PUM1: variants seen among roughly 807,000 people sequenced by gnomAD.
The protein encoded by PUM1 is pumilio RNA binding family member 1, also known as pumilio homolog 1.
Under a neutral mutation model 131.8 loss-of-function variants are expected in PUM1, and 13 were observed. The ratio of observed to expected loss-of-function variants is 0.10; its 90% CI spans 0.06 to 0.16. PUM1 has a LOEUF of 0.16. PUM1 is among the 10% of genes least tolerant of loss of function. The pLI is 1.00. For missense variants in PUM1, 961 were observed against 1,512.4 expected (o/e 0.64, Z 6.05); for synonymous variants, 509 against 556.5 (o/e 0.91, Z 1.20).
At chr1:31,055,520 C>A in intron 2 of PUM1, 1 of 380,380 alleles carries the variant, frequency 2.6e-6, no homozygotes, top group South Asian at 2.0e-5. Flanking sequence ...CTGCAATATA[C>A]CAACTACCCT....
chr1:30,968,037 A>C (rs1640695773), intron 11 of PUM1: 2 of 387,308 alleles, frequency 5.2e-6, no homozygotes, highest in Non-Finnish European at 1.0e-5. Context: ...ATAAAGACTA[A>C]GCCTTGTAAA....
intron 11 of PUM1, chr1:30,968,096 A>C: frequency 1.6e-6 from 1 of 624,586 alleles, no homozygotes; most frequent in Non-Finnish European, 3.0e-6. Context: ...GAAAACAGAT[A>C]ATCCACCAAG....
intron 2 of PUM1, among the ~76,000 whole-genome samples, chr1:31,044,853 A>C (rs1643914704): frequency 6.6e-6 from 1 of 152,130 alleles, no homozygotes; most frequent in South Asian, 2.1e-4. Context: ...TGTGTCACCC[A>C]GGCTGGAGTG....
chr1:30,953,855 A>G lies in PUM1; in HGVS notation c.2450T>C (p.Leu817Ser). ...CATGACATCAGACATTCCATATCGC[A>G]AACGAGAGGAAGAGAAAAGAGTGCT... Reference protein sequence around the residue: ...PSSTLFSSSRLRYGMSDVMPS... With the variant: ...PSSTLFSSSRSRYGMSDVMPS... The change falls in exon 15 of 22, where the codon TTG becomes TCG. Residue 817 changes from leucine to serine, a missense_variant. By Grantham distance (145) the Leu-to-Ser change is moderately radical (BLOSUM62 -2). Coordinates refer to ENST00000426105, the MANE Select transcript of PUM1 (RefSeq NM_001020658.2). 1 of 1,614,254 alleles carries G rather than the reference A, an allele frequency of 6.2e-7. No individual in the cohort carries two copies. The highest frequency in any genetic ancestry group is 8.5e-7 in the Non-Finnish European group (1 of 1,180,048).
chr1:30,977,878 G>T (rs1415949061), intron 9 of PUM1, among the ~76,000 whole-genome samples: 1 of 152,160 alleles, frequency 6.6e-6, no homozygotes, highest in Non-Finnish European at 1.5e-5. Flanking sequence ...TGAAGCATAC[G>T]CATGAGCTTT....
intron 2 of PUM1, among the ~76,000 whole-genome samples, chr1:31,041,663 C>T (rs1643819343): frequency 6.6e-6 from 1 of 152,142 alleles, no homozygotes; most frequent in Admixed American, 6.5e-5. Context: ...CTCTCTCCAG[C>T]TCCCTCTCTT....
At chr1:31,058,326 G>GT (rs964613595) in intron 2 of PUM1, among the ~76,000 whole-genome samples, 18 of 152,112 alleles carry the variant, frequency 1.2e-4, no homozygotes, top group African/African-American at 4.3e-4. Context: ...TATGTCAACA[G>GT]TAAAAAAAAG....
chr1:31,028,862 C>T lies in PUM1; in HGVS notation c.366G>A (p.Val122=), dbSNP rs938747224. Residue 122 remains valine, a splice_region_variant and synonymous_variant, in exon 3 of 22, where the codon GTG becomes GTA. Transcript: ENST00000426105. ...TGDNIHAEHQ[V]RSMDELNHDF... ...CATGATTCAGTTCATCCATGGAACG[C>T]ACCTATTGTTTAGAATAGAGAAGGA... 3.2e-5 allele frequency: 51 copies of T among 1,613,068 alleles called. No homozygotes were observed. Among genetic ancestry groups the T allele is most frequent in the Admixed American group, 5.0e-5 (3 of 59,992 alleles).
At chr1:31,043,402 A>G (rs1332292553) in intron 2 of PUM1, among the ~76,000 whole-genome samples, 1 of 148,536 alleles carries the variant, frequency 6.7e-6, no homozygotes, top group African/African-American at 2.5e-5. Flanking sequence ...GTATTTTTGT[A>G]GAGATGGGGG....
intron 2 of PUM1, among the ~76,000 whole-genome samples, chr1:31,043,012 G>A (rs537147447): frequency 5.3e-5 from 8 of 151,928 alleles, no homozygotes; most frequent in Admixed American, 2.0e-4. Context: ...GAGCCACCAC[G>A]CCTAGCCAGA....
intron 3 of PUM1, among the ~76,000 whole-genome samples, chr1:31,024,709 C>T (rs756760418): frequency 6.6e-6 from 1 of 152,166 alleles, no homozygotes; most frequent in Non-Finnish European, 1.5e-5. Flanking sequence ...ACCAATTATG[C>T]GAACAAAGTA....
At chr1:31,064,497 T>G (rs1644437352) in intron 1 of PUM1, among the ~76,000 whole-genome samples, 1 of 152,108 alleles carries the variant, frequency 6.6e-6, no homozygotes, top group Non-Finnish European at 1.5e-5. Context: ...TGGGCCTGTC[T>G]TAGTAAGTTT....
Position 31,038,984 on chromosome 1 carries a change from A to ATATATATATTTTTTTTTTTT in PUM1, c.364-10121_364-10120insAAAAAAAAAAAATATATATA. ...TATATATATATATATATATATATATATTTTTTTTTTTTTTTTCCTTTTCTC... is the reference window on the plus strand; with the variant it reads ...TATATATATATATATATATATATATATATATATATTTTTTTTTTTTTTTTTTTTTTTTTTTTCCTTTTCTC... On this transcript the variant is annotated intron_variant, in intron 2 of 21. Coordinates refer to ENST00000426105, the MANE Select transcript of PUM1 (RefSeq NM_001020658.2). 1.8e-4 allele frequency among the ~76,000 whole-genome samples: 9 copies of ATATATATATTTTTTTTTTTT among 49,412 alleles called. 1 individual carries two copies. Among genetic ancestry groups the ATATATATATTTTTTTTTTTT allele is most frequent in the East Asian group, 1.3e-3 (2 of 1,502 alleles). 32.4% of individuals were successfully genotyped at this position (49,412 alleles called of 152,430 possible). A position where few individuals can be genotyped will look rare whatever the true frequency, so the allele number is the denominator to read the frequency against.
chr1:30,975,432 C>T (rs1641094491), intron 9 of PUM1, among the ~76,000 whole-genome samples: 1 of 151,800 alleles, frequency 6.6e-6, no homozygotes, highest in Non-Finnish European at 1.5e-5. Context: ...CTCACTGCAA[C>T]CCTGACCTCC....
At chr1:31,045,087 C>T (rs2124577632) in intron 2 of PUM1, among the ~76,000 whole-genome samples, 1 of 151,832 alleles carries the variant, frequency 6.6e-6, no homozygotes, top group Middle Eastern at 3.4e-3. Flanking sequence ...AGTGACCCAC[C>T]GTGCCCAGCT....
chr1:31,058,930 G>A (rs556158561), intron 2 of PUM1, among the ~76,000 whole-genome samples: 4 of 152,064 alleles, frequency 2.6e-5, no homozygotes, highest in South Asian at 2.1e-4. Flanking sequence ...AGATCAAGCC[G>A]AGATCAGGCG....
chr1:30,985,545 G>A (rs189023544), intron 7 of PUM1, among the ~76,000 whole-genome samples: 3 of 151,590 alleles, frequency 2.0e-5, no homozygotes, highest in Non-Finnish European at 2.9e-5. Context: ...CCAGTTACTC[G>A]GGAGGCTGAG....
At chr1:30,939,870 C>CT (rs879941041) in intron 20 of PUM1, among the ~76,000 whole-genome samples, 16 of 151,394 alleles carry the variant, frequency 1.1e-4, no homozygotes, top group African/African-American at 1.9e-4. Flanking sequence ...ATAAAAACTT[C>CT]TTTTTTTTTA....
rs1298769034 is a variant in PUM1, at chr1:30,954,066, C to A, written c.2324-85G>T. On this transcript the variant is annotated intron_variant, in intron 14 of 21. Coordinates refer to ENST00000426105, the MANE Select transcript of PUM1 (RefSeq NM_001020658.2). ...AAAAAAGCATTCCCACACCCGAAAG[C>A]CTGCACCATTTCTGATTTCTTCAAT... is the stretch of plus-strand genomic sequence containing the variant. 6 of 1,371,266 alleles carry A rather than the reference C, an allele frequency of 4.4e-6. No homozygotes were observed. In the Admixed American group the frequency reaches 1.1e-4, roughly 24 times the overall value. The allele number at this position is 1,371,266 out of a possible 1,614,324, so 84.9% of individuals were successfully genotyped here.
Sources: gnomAD v4.1 joint callset for allele counts (sites outside exome capture counted in the v4.1 genomes callset) on GRCh38, gnomAD v4.1.1 for gene constraint, MANE v1.5 for transcripts, NCBI Gene and HGNC (gene_info 2026-07-23, HGNC 2026-07-21) for gene names.